Variants in TRIM9 observed in about 807,000 individuals in gnomAD.
TRIM9 encodes tripartite motif containing 9.
TRIM9 carries 26 observed loss-of-function variants against 78.3 expected under a neutral mutation model. The ratio of observed to expected loss-of-function variants is 0.33; its 90% CI spans 0.24 to 0.46. The LOEUF is 0.46. Among genes scored for constraint, TRIM9 ranks in the 20% least tolerant of loss-of-function variants. The pLI is 1.00. For missense variants in TRIM9, 787 were observed against 1,036.4 expected (o/e 0.76, Z 3.30); for synonymous variants, 398 against 416.5 (o/e 0.96, Z 0.54).
chr14:51,094,016 C>A (rs1420814558), intron 1 of TRIM9, 102 bp downstream of exon 1: 1 of 1,216,292 alleles, frequency 8.2e-7, no homozygotes, highest in South Asian at 1.4e-5. Context: ...CTGCATTGCG[C>A]CCCCACTGGG....
chr14:50,981,794 G>C lies in TRIM9; in HGVS notation c.2162+6C>G. On this transcript the variant is annotated splice_donor_region_variant and intron_variant, in intron 11 of 12. Coordinates refer to ENST00000684578, the MANE Select transcript of TRIM9 (RefSeq NM_001387360.1). ...AAGAAGGCTTGGTTTGGGGGCTGCA[G>C]GGTACCTGTTGGTGTGCGAGTTGTT... 1 of 1,613,608 alleles carries C rather than the reference G, an allele frequency of 6.2e-7. No homozygotes were observed. Among genetic ancestry groups the C allele is most frequent in the Non-Finnish European group, 8.5e-7 (1 of 1,179,540 alleles).
At chr14:51,002,813 A>G (rs1451677998) in intron 5 of TRIM9, among the ~76,000 whole-genome samples, 2 of 152,260 alleles carry the variant, frequency 1.3e-5, no homozygotes, top group Non-Finnish European at 2.9e-5. Context: ...ACATTACAAT[A>G]AAACCATGTC....
At chr14:51,001,946 C>T (rs2055106395) in intron 5 of TRIM9, among the ~76,000 whole-genome samples, 1 of 152,150 alleles carries the variant, frequency 6.6e-6, no homozygotes. Flanking sequence ...CATGCTGTTA[C>T]GAGTCAAAAC....
chr14:51,034,521 G>C (rs1281860710), intron 1 of TRIM9, among the ~76,000 whole-genome samples: 1 of 152,164 alleles, frequency 6.6e-6, no homozygotes, highest in Non-Finnish European at 1.5e-5. Context: ...GTGTGCATTG[G>C]ATTGACCACT....
intron 2 of TRIM9, 144 bp from the exon 3 acceptor site, chr14:51,023,101 G>T: frequency 1.8e-6 from 2 of 1,106,906 alleles, no homozygotes; most frequent in East Asian, 2.5e-5. Context: ...AAAATAACTG[G>T]ATAAACTTTA....
intron 7 of TRIM9, chr14:50,997,350 T>C: frequency 1.0e-6 from 1 of 985,400 alleles, no homozygotes; most frequent in Non-Finnish European, 1.2e-6. Flanking sequence ...GAGATGAACC[T>C]TGTATGGTGG....
chr14:51,056,551 G>C (rs1241054578), intron 1 of TRIM9, among the ~76,000 whole-genome samples: 1 of 152,164 alleles, frequency 6.6e-6, no homozygotes, highest in Non-Finnish European at 1.5e-5. Flanking sequence ...AGGCAGTTTG[G>C]AAATGTCACT....
chr14:51,014,966 C>T (rs2056996783), intron 3 of TRIM9, among the ~76,000 whole-genome samples: 1 of 152,176 alleles, frequency 6.6e-6, no homozygotes, highest in Non-Finnish European at 1.5e-5. Flanking sequence ...TGCACTAAAG[C>T]CTAAACCAGC....
rs980496000 is a variant in TRIM9, at chr14:51,094,594, C to G, written c.346G>C (p.Ala116Pro). ...GAGTTGCGGGGCACCGGGGCCAGGGCCGGTGACAAGTGGGTGGCCGGTGGC... is the reference window on the plus strand; with the variant it reads ...GAGTTGCGGGGCACCGGGGCCAGGGGCGGTGACAAGTGGGTGGCCGGTGGC... ...MPPPATHLSP[A>P]LAPVPRNSCI... Residue 116 changes from alanine (A) to proline (P), a missense_variant, in exon 1 of 13, where the codon GCC becomes CCC. This residue lies in a region of TRIM9 where 352 missense variants were observed against 472.3 expected (regional missense o/e 0.75). Coordinates refer to ENST00000684578, the MANE Select transcript of TRIM9 (RefSeq NM_001387360.1). The G allele has an allele frequency of 6.2e-7, 1 of 1,610,574 alleles. No individual in the cohort carries two copies. Among genetic ancestry groups the G allele is most frequent in the African/African-American group, 1.3e-5 (1 of 74,898 alleles).
chr14:51,094,326 G>T lies in TRIM9; in HGVS notation c.614C>A (p.Ala205Asp). ...GGCCGGGGGCACCAGGCGGTGCTTG[G>T]CTAGGGGCCCCCGGGGCGGGTGGCA... Reference protein sequence around the residue: ...LRCHPPRGPLAKHRLVPPAQG... With the variant: ...LRCHPPRGPLDKHRLVPPAQG... Residue 205 changes from alanine (A) to aspartate (D), a missense_variant, in exon 1 of 13, where the codon GCC (alanine) becomes GAC (aspartate). By Grantham distance (126) the Ala-to-Asp change is moderately radical (BLOSUM62 -2). Coordinates refer to ENST00000684578, the MANE Select transcript of TRIM9 (RefSeq NM_001387360.1). 1 of 1,613,606 alleles carries T rather than the reference G, an allele frequency of 6.2e-7. No homozygotes were observed. The highest frequency in any genetic ancestry group is 8.5e-7 in the Non-Finnish European group (1 of 1,179,830).
intron 11 of TRIM9, 37 bp from the exon 12 acceptor site, chr14:50,979,586 G>C (rs2051549842): frequency 1.3e-6 from 2 of 1,572,494 alleles, no homozygotes; most frequent in Non-Finnish European, 1.7e-6. Flanking sequence ...TCATTTCCTT[G>C]TGGTCACTCT....
intron 1 of TRIM9, among the ~76,000 whole-genome samples, chr14:51,027,024 T>C (rs573664427): frequency 6.6e-6 from 1 of 152,304 alleles, no homozygotes; most frequent in African/African-American, 2.4e-5. Context: ...AGAATACTAT[T>C]CTTGGGTTTT....
intron 3 of TRIM9, among the ~76,000 whole-genome samples, chr14:51,014,045 A>G (rs2056878515): frequency 6.6e-6 from 1 of 152,198 alleles, no homozygotes; most frequent in African/African-American, 2.4e-5. Flanking sequence ...TCCGAATAAT[A>G]AGGACAGATC....
intron 12 of TRIM9, chr14:50,978,992 T>G: frequency 8.5e-7 from 1 of 1,172,912 alleles, no homozygotes. Flanking sequence ...ATAATGATAC[T>G]AATGCTTCAG....
chr14:50,988,038 G>T (rs2139373286), intron 7 of TRIM9, among the ~76,000 whole-genome samples: 1 of 152,252 alleles, frequency 6.6e-6, no homozygotes, highest in Non-Finnish European at 1.5e-5. Context: ...TGAGCTCAAA[G>T]CGATCTGCCT....
In TRIM9 at chr14:50,986,441, A is replaced by ATTG. The variant is rs1325354534; in HGVS notation, c.1604-300_1604-298dup. 2.2e-5 allele frequency: 5 copies of ATTG among 223,506 alleles called. No homozygotes were observed. The East Asian group carries it at 4.6e-4, about 21-fold the overall frequency. 13.8% of individuals were successfully genotyped at this position (223,506 alleles called of 1,614,324 possible). A position where few individuals can be genotyped will look rare whatever the true frequency, so the allele number is the denominator to read the frequency against. On this transcript the variant is annotated intron_variant, in intron 7 of 12. Coordinates refer to ENST00000684578, the MANE Select transcript of TRIM9 (RefSeq NM_001387360.1). ...TTTAATTAAATAAAATACTTTTAGAATTGAATGTACAAAATGTAAAGGCAA... is the reference window on the plus strand; with the variant it reads ...TTTAATTAAATAAAATACTTTTAGAATTGTTGAATGTACAAAATGTAAAGGCAA...
intron 1 of TRIM9, among the ~76,000 whole-genome samples, chr14:51,033,545 G>A (rs1352309138): frequency 6.6e-6 from 1 of 152,130 alleles, no homozygotes; most frequent in East Asian, 1.9e-4. Flanking sequence ...ATTTGCTCTG[G>A]TCCCATTTTG....
chr14:51,054,935 T>C (rs1255319793), intron 1 of TRIM9, among the ~76,000 whole-genome samples: 3 of 152,052 alleles, frequency 2.0e-5, no homozygotes, highest in South Asian at 2.1e-4. Context: ...GTTCAAGTGA[T>C]TCTCCTGCCT....
intron 5 of TRIM9, among the ~76,000 whole-genome samples, chr14:51,005,390 G>C (rs75978054): frequency 7.2e-4 from 109 of 152,310 alleles, no homozygotes; most frequent in African/African-American, 2.6e-3. Context: ...TGCTAAAAAG[G>C]CTTGGTGAAC....
Sources: allele counts gnomAD v4.1 joint callset (sites outside exome capture counted in the v4.1 genomes callset), GRCh38; gene constraint gnomAD v4.1.1; regional missense constraint gnomAD v4.1.1; transcripts MANE v1.5; gene names NCBI Gene and HGNC (gene_info 2026-07-23, HGNC 2026-07-21).